Variants in ADAM12 observed in about 807,000 individuals in gnomAD.
The protein encoded by ADAM12 is disintegrin and metalloproteinase domain-containing protein 12.
A neutral mutation model predicts 106.4 loss-of-function variants in ADAM12; 70 were observed. The observed-to-expected ratio is 0.66, with a 90% CI of 0.54 to 0.80. ADAM12 has a LOEUF of 0.80. ADAM12 is among the 30% of genes least tolerant of loss of function. ADAM12 has a pLI of 0.00. For missense variants in ADAM12, 1,010 were observed against 1,171.9 expected (o/e 0.86, Z 2.02); for synonymous variants, 420 against 433.5 (o/e 0.97, Z 0.39).
chr10:126,261,997 A>G (rs1250177487), intron 3 of ADAM12, among the ~76,000 whole-genome samples: 1 of 152,058 alleles, frequency 6.6e-6, no homozygotes, highest in Non-Finnish European at 1.5e-5. Context: ...AAACCTATAG[A>G]TTATTTTTAG....
intron 11 of ADAM12, among the ~76,000 whole-genome samples, chr10:126,087,949 A>G (rs749579657): frequency 1.3e-5 from 2 of 152,208 alleles, no homozygotes; most frequent in African/African-American, 2.4e-5. Context: ...CCCAGCCTGT[A>G]TTTAATTCTT....
intron 3 of ADAM12, among the ~76,000 whole-genome samples, chr10:126,270,416 G>A (rs1236723458): frequency 6.6e-6 from 1 of 152,220 alleles, no homozygotes; most frequent in Non-Finnish European, 1.5e-5. Context: ...CCCCAGTGCT[G>A]TCCAACAGAA....
chr10:126,067,202 T>C (rs1406782570), intron 12 of ADAM12, among the ~76,000 whole-genome samples: 1 of 152,368 alleles, frequency 6.6e-6, no homozygotes, highest in East Asian at 1.9e-4. Flanking sequence ...TATACATAGA[T>C]GCATACAATC....
intron 14 of ADAM12, among the ~76,000 whole-genome samples, chr10:126,059,720 A>C (rs1954711495): frequency 6.6e-6 from 1 of 152,230 alleles, no homozygotes; most frequent in South Asian, 2.1e-4. Flanking sequence ...ATAAAATAGA[A>C]AAAACTAACA....
At chr10:126,217,317 C>A (rs1958005160) in intron 3 of ADAM12, among the ~76,000 whole-genome samples, 1 of 151,378 alleles carries the variant, frequency 6.6e-6, no homozygotes, top group Admixed American at 6.6e-5. Flanking sequence ...AAATAAATAC[C>A]TCAAATTTAT....
intron 19 of ADAM12, 138 bp from the exon 20 acceptor site, chr10:126,038,487 C>CTAAT: frequency 1.7e-6 from 1 of 605,222 alleles, no homozygotes; most frequent in Non-Finnish European, 2.8e-6. Flanking sequence ...GAAAAATTAC[C>CTAAT]TAATAACACT....
At chr10:126,215,552 G>T (rs1180119153) in intron 3 of ADAM12, among the ~76,000 whole-genome samples, 3 of 152,132 alleles carry the variant, frequency 2.0e-5, no homozygotes, top group Non-Finnish European at 4.4e-5. Context: ...CAAGGACTAG[G>T]CCATTAGGAA....
chr10:126,379,992 A>G (rs1385342993), intron 1 of ADAM12, among the ~76,000 whole-genome samples: 2 of 152,380 alleles, frequency 1.3e-5, no homozygotes, highest in African/African-American at 4.8e-5. Flanking sequence ...CAAGGCTTCC[A>G]GGAGTAGGTA....
At chr10:126,188,161 T>C (rs1237229637) in intron 3 of ADAM12, among the ~76,000 whole-genome samples, 1 of 152,234 alleles carries the variant, frequency 6.6e-6, no homozygotes, top group African/African-American at 2.4e-5. Context: ...CAGGTTCCCA[T>C]GTCAGCTTCT....
intron 2 of ADAM12, among the ~76,000 whole-genome samples, chr10:126,304,896 A>T (rs1226786093): frequency 1.7e-4 from 26 of 152,088 alleles, no homozygotes; most frequent in Admixed American, 1.3e-3. Flanking sequence ...AGATACCAAT[A>T]TCCAACCATT....
chr10:126,273,633 T>G (rs1959192964), intron 3 of ADAM12, among the ~76,000 whole-genome samples: 2 of 152,174 alleles, frequency 1.3e-5, no homozygotes, highest in African/African-American at 2.4e-5. Context: ...CTGGCGTGTC[T>G]GTTCCAGGTC....
intron 3 of ADAM12, among the ~76,000 whole-genome samples, chr10:126,155,510 T>G (rs112805090): frequency 1.8e-4 from 28 of 152,006 alleles, no homozygotes; most frequent in African/African-American, 6.3e-4. Context: ...GAGTCAGATA[T>G]GCATCCTCGG....
intron 3 of ADAM12, among the ~76,000 whole-genome samples, chr10:126,164,171 C>T (rs1383867456): frequency 1.3e-5 from 2 of 152,346 alleles, no homozygotes; most frequent in Middle Eastern, 3.4e-3. Flanking sequence ...TCATTGATGA[C>T]ATGTCAACTT....
At chr10:126,156,940 T>C (rs924007743) in intron 3 of ADAM12, among the ~76,000 whole-genome samples, 1 of 152,100 alleles carries the variant, frequency 6.6e-6, no homozygotes, top group Non-Finnish European at 1.5e-5. Context: ...ATACTGAACT[T>C]TGTGGATGGT....
At chr10:126,381,032 GTAGC>G (rs1856472116) in intron 1 of ADAM12, among the ~76,000 whole-genome samples, 1 of 152,198 alleles carries the variant, frequency 6.6e-6, no homozygotes, top group African/African-American at 2.4e-5. Context: ...TTTAAATGAT[GTAGC>G]TACATTCCTT....
intron 1 of ADAM12, among the ~76,000 whole-genome samples, chr10:126,354,360 A>G (rs1406315796): frequency 6.6e-6 from 1 of 152,182 alleles, no homozygotes; most frequent in African/African-American, 2.4e-5. Flanking sequence ...ACCAAGCCTC[A>G]GCTTTCAAGT....
At chr10:126,247,446 G>A (rs1270118111) in intron 3 of ADAM12, among the ~76,000 whole-genome samples, 1 of 152,224 alleles carries the variant, frequency 6.6e-6, no homozygotes, top group East Asian at 1.9e-4. Context: ...ATGTATCACA[G>A]TAGTAGCAGG....
chr10:126,181,520 G>C (rs926699460), intron 3 of ADAM12, among the ~76,000 whole-genome samples: 5 of 152,110 alleles, frequency 3.3e-5, no homozygotes, highest in Non-Finnish European at 7.4e-5. Flanking sequence ...TATAGTATCT[G>C]TGTACATATC....
At chr10:126,059,972 C>T (rs971882501) in intron 14 of ADAM12, among the ~76,000 whole-genome samples, 3 of 141,090 alleles carry the variant, frequency 2.1e-5, no homozygotes, top group East Asian at 2.5e-4. Flanking sequence ...GAGAGCTAAA[C>T]GCCAACCACA....
Sources: allele counts gnomAD v4.1 joint callset (sites outside exome capture counted in the v4.1 genomes callset), GRCh38; gene constraint gnomAD v4.1.1; transcripts MANE v1.5; gene names NCBI Gene and HGNC (gene_info 2026-07-23, HGNC 2026-07-21).